The following SLC20A1 variants were observed in gnomAD, a reference collection of about 807,000 sequenced individuals.
SLC20A1 encodes the protein solute carrier family 20 member 1, also known as sodium-dependent phosphate transporter 1.
Under a neutral mutation model 62.7 loss-of-function variants are expected in SLC20A1, and 28 were observed. The observed-to-expected ratio is 0.45, with a 90% CI of 0.33 to 0.61. The LOEUF (loss-of-function observed/expected upper bound fraction) is 0.61. Ranked by LOEUF, SLC20A1 falls within the 20% of genes least tolerant of loss-of-function variation. The pLI, the probability that SLC20A1 is intolerant of heterozygous loss-of-function variation, is 0.02. For missense variants in SLC20A1, 673 were observed against 838.6 expected (o/e 0.80, Z 2.44); for synonymous variants, 305 against 302.9 (o/e 1.01, Z -0.07).
rs1686788632 is a variant in SLC20A1 at position 112,662,845 on chromosome 2, TG to T, written c.1879-17del. On this transcript the variant is annotated intron_variant, in intron 10 of 10. Transcript: ENST00000272542. ...CTGGCACTTCAATAACCTGTTTCCT[TG>T]GTCTGCTTCTCTTCTAGGTGGGCTC... 7 of 1,611,678 alleles carry T rather than the reference TG, an allele frequency of 4.3e-6. No individual in the cohort carries two copies. The highest frequency in any genetic ancestry group is 1.7e-4 in the Middle Eastern group (1 of 5,916).
At position 112,647,744 on chromosome 2, in the gene SLC20A1, C is replaced by T. The variant is rs777720165; in HGVS notation, c.561+6C>T. 3 of 1,607,192 alleles carry T rather than the reference C, an allele frequency of 1.9e-6. No homozygotes were observed. In the Admixed American group the frequency reaches 5.0e-5, roughly 27 times the overall value. On this transcript the variant is annotated splice_donor_region_variant and intron_variant, in intron 4 of 10. Coordinates refer to ENST00000272542, the MANE Select transcript of SLC20A1 (RefSeq NM_005415.5). ...GTGCATTCATCCTCCATAAGGTAAC[C>T]TTTCTCCCCCGTATGAAGACCTTTC...
At position 112,646,085 on chromosome 2, in the gene SLC20A1, T is replaced by C. The variant is rs11123144; in HGVS notation, c.-311T>C. ...CGTGTGCCCGTGGCTCCAGCCGCTG[T>C]CGCCTCGATCTCCTCGTCTCCCGCT... On this transcript the variant is annotated 5_prime_UTR_variant, in exon 1 of 11. Coordinates refer to ENST00000272542, the MANE Select transcript of SLC20A1 (RefSeq NM_005415.5). 120,377 of 152,460 alleles carry C rather than the reference T, an allele frequency of 0.79. 48,342 individuals carry two copies. Among genetic ancestry groups the C allele is most frequent in the East Asian group, 1 (5,143 of 5,154 alleles). 9.4% of individuals were successfully genotyped at this position (152,460 alleles called of 1,614,324 possible). A position where few individuals can be genotyped will look rare whatever the true frequency, so the allele number is the denominator to read the frequency against.
intron 6 of SLC20A1, chr2:112,658,330 T>C (rs549295553): frequency 6.5e-6 from 1 of 153,058 alleles, no homozygotes; most frequent in East Asian, 1.9e-4. Context: ...GAAATTAAAG[T>C]TGTCGTCTTT....
At chr2:112,654,907 A>AAAG (rs1348417320) in intron 5 of SLC20A1, among the ~76,000 whole-genome samples, 4 of 151,092 alleles carry the variant, frequency 2.6e-5, no homozygotes, top group African/African-American at 9.7e-5. Context: ...AAAAAAAAAA[A>AAAG]AAAAAGTTCA....
rs199811695 is a variant in SLC20A1 at position 112,652,797 on chromosome 2, G to A, written c.657G>A (p.Pro219=). The A allele has an allele frequency of 3.2e-5, 52 of 1,613,226 alleles. No homozygotes were observed. The East Asian group carries it at 9.4e-4, about 29-fold the overall frequency. The change falls in exon 5 of 11, where the codon CCG becomes CCA. Residue 219 remains proline, a splice_region_variant and synonymous_variant. Transcript: ENST00000272542. ...NLFSIMYTGA[P]LLGFDKLPLW... is the part of the protein sequence containing the mutation. ...TTTCCATCATGTATACTGGAGCACC[G>A]TGTAAGTACCTATCAAAATATTTAA...
intron 5 of SLC20A1, among the ~76,000 whole-genome samples, chr2:112,655,331 C>G (rs1387884813): frequency 6.6e-6 from 1 of 151,880 alleles, no homozygotes; most frequent in East Asian, 1.9e-4. Flanking sequence ...TTTATAAGTA[C>G]AAACAGTCCC....
intron 4 of SLC20A1, 103 bp downstream of exon 4, chr2:112,647,841 C>T: frequency 1.1e-6 from 1 of 918,894 alleles, no homozygotes; most frequent in South Asian, 1.4e-5. Context: ...GGTATGCGGC[C>T]TTGGAAAATT....
chr2:112,659,911 A>G, intron 8 of SLC20A1, 149 bp downstream of exon 8: 1 of 647,264 alleles, frequency 1.5e-6, no homozygotes, highest in Non-Finnish European at 2.6e-6. Context: ...TATTGACATA[A>G]TAAGACAGTA....
Position 112,659,367 on chromosome 2 carries a change from G to A in SLC20A1, c.1212G>A (p.Met404Ile). 1.2e-6 allele frequency: 2 copies of A among 1,614,170 alleles called. No homozygotes were observed. The highest frequency in any genetic ancestry group is 1.7e-6 in the Non-Finnish European group (2 of 1,180,044). The change falls in exon 8 of 11, where the codon ATG (methionine) becomes ATA (isoleucine). Residue 404 changes from methionine (M) to isoleucine (I), a missense_variant. Physicochemically the swap from Met to Ile is conservative, Grantham distance 10. Coordinates refer to ENST00000272542, the MANE Select transcript of SLC20A1 (RefSeq NM_005415.5). ...KLHLAKVGDC[M>I]GDSGDKPLRR... Reference sequence around the variant, plus strand: ...ATCTTGCCAAGGTGGGAGATTGCATGGGAGACTCCGGTGACAAACCCTTAA... The same window carrying A: ...ATCTTGCCAAGGTGGGAGATTGCATAGGAGACTCCGGTGACAAACCCTTAA...
chr2:112,659,488 A>G lies in SLC20A1; in HGVS notation c.1333A>G (p.Met445Val). Reference sequence around the variant, plus strand: ...AGAAGGTGAACAGAAGGGCGAAGAAATGGAGAAGCTGACATGGCCTAATGC... The same window carrying G: ...AGAAGGTGAACAGAAGGGCGAAGAAGTGGAGAAGCTGACATGGCCTAATGC... Reference protein sequence around the residue: ...AKEGEQKGEEMEKLTWPNADS... With the variant: ...AKEGEQKGEEVEKLTWPNADS... The change falls in exon 8 of 11, where the codon ATG becomes GTG. Residue 445 changes from methionine to valine, a missense_variant. By Grantham distance (21) the Met-to-Val change is conservative. Coordinates refer to ENST00000272542, the MANE Select transcript of SLC20A1 (RefSeq NM_005415.5). 2 of 1,614,244 alleles carry G rather than the reference A, an allele frequency of 1.2e-6. No individual in the cohort carries two copies. Among genetic ancestry groups the G allele is most frequent in the Non-Finnish European group, 1.7e-6 (2 of 1,180,034 alleles).
chr2:112,651,620 A>G (rs368972079), intron 4 of SLC20A1, among the ~76,000 whole-genome samples: 13 of 152,066 alleles, frequency 8.5e-5, no homozygotes, highest in African/African-American at 3.1e-4. Flanking sequence ...ATTACCCAGG[A>G]TGGTCTCGAT....
Position 112,659,697 on chromosome 2 carries a change from C to G in SLC20A1, c.1542C>G (p.Leu514=). ...YDQDKPEVSL[L]FQFLQILTAC... is the part of the protein sequence containing the mutation. ...AGGATAAGCCTGAAGTCTCTCTCCT[C>G]TTCCAGTTCCTGCAGATCCTTACAG... is the stretch of plus-strand genomic sequence containing the variant. Residue 514 remains leucine (L), a synonymous_variant, in exon 8 of 11, where the codon CTC becomes CTG. Transcript: ENST00000272542. The G allele has an allele frequency of 6.2e-7, 1 of 1,614,244 alleles. No individual in the cohort carries two copies. The highest frequency in any genetic ancestry group is 1.1e-5 in the South Asian group (1 of 91,088).
chr2:112,662,215 A>G (rs977638407), intron 10 of SLC20A1, among the ~76,000 whole-genome samples: 9 of 152,172 alleles, frequency 5.9e-5, no homozygotes, highest in South Asian at 2.1e-4. Flanking sequence ...TCTCCAGACA[A>G]TTGTTTATTA....
chr2:112,659,580 C>T lies in SLC20A1; in HGVS notation c.1425C>T (p.His475=), dbSNP rs1303403404. 1.2e-6 allele frequency: 2 copies of T among 1,614,222 alleles called. No individual in the cohort carries two copies. Among genetic ancestry groups the T allele is most frequent in the Admixed American group, 3.3e-5 (2 of 60,026 alleles). The change falls in exon 8 of 11, where the codon CAC becomes CAT. Residue 475 remains histidine (H), a synonymous_variant. Transcript: ENST00000272542. ...TSYCNAVSDL[H]SASEIDMSVK... ...ACTGCAATGCTGTGTCTGACCTTCA[C>T]TCAGCATCTGAGATAGACATGAGTG... is the stretch of plus-strand genomic sequence containing the variant.
intron 5 of SLC20A1, chr2:112,656,908 G>C (rs1686604686): frequency 1.7e-6 from 1 of 589,548 alleles, no homozygotes; most frequent in Admixed American, 2.8e-5. Context: ...GTTCAAGTGG[G>C]CTAGGCTGGT....
rs1007608343 is a variant in SLC20A1, at chr2:112,645,972, C to T, written c.-424C>T. The T allele has an allele frequency of 2.0e-5, 3 of 152,192 alleles. No homozygotes were observed. Among genetic ancestry groups the T allele is most frequent in the East Asian group, 1.9e-4 (1 of 5,164 alleles). The allele number at this position is 152,192 out of a possible 1,614,324, so 9.4% of individuals were successfully genotyped here. A position where few individuals can be genotyped will look rare whatever the true frequency, so the allele number is the denominator to read the frequency against. ...GGCTGCCGGCGCTCTCTGCGTGGTT[C>T]TTCTTCTCGGCCGCTGAAACCCCCG... is the stretch of plus-strand genomic sequence containing the variant. On this transcript the variant is annotated 5_prime_UTR_variant, in exon 1 of 11. Transcript: ENST00000272542.
rs1686492467 is a variant in SLC20A1, at chr2:112,653,379, A to T, written c.658+581A>T. ...TTGATGACTTTCATGTTTGGGACTA[A>T]GGCAAGGCATGGATTAAATTATGGC... On this transcript the variant is annotated intron_variant, in intron 5 of 10. Coordinates refer to ENST00000272542, the MANE Select transcript of SLC20A1 (RefSeq NM_005415.5). 1.8e-5 allele frequency: 3 copies of T among 168,060 alleles called. No homozygotes were observed. The South Asian group carries it at 4.5e-4, about 25-fold the overall frequency. 10.4% of individuals were successfully genotyped at this position (168,060 alleles called of 1,614,324 possible). A position where few individuals can be genotyped will look rare whatever the true frequency, so the allele number is the denominator to read the frequency against.
intron 4 of SLC20A1, 48 bp from the exon 5 acceptor site, chr2:112,652,654 G>A (rs2104644294): frequency 6.8e-7 from 1 of 1,463,866 alleles, no homozygotes; most frequent in African/African-American, 1.4e-5. Context: ...GTGGAAATGG[G>A]TTAACCTTTA....
Position 112,659,777 on chromosome 2 carries a change from A to G in SLC20A1, c.1607+15A>G, listed in dbSNP as rs758706692. ...AATGACGTAAGGTCAGTTGACATTG[A>G]TCTTAGTGTTGCTAACCCTATTTTT... On this transcript the variant is annotated intron_variant, in intron 8 of 10. Coordinates refer to ENST00000272542, the MANE Select transcript of SLC20A1 (RefSeq NM_005415.5). 4.8e-5 allele frequency: 77 copies of G among 1,597,998 alleles called. No individual in the cohort carries two copies. The highest frequency in any genetic ancestry group is 6.2e-5 in the Non-Finnish European group (72 of 1,169,902).
Sources: gnomAD v4.1 joint callset for allele counts (sites outside exome capture counted in the v4.1 genomes callset) on GRCh38, gnomAD v4.1.1 for gene constraint, MANE v1.5 for transcripts, NCBI Gene and HGNC (gene_info 2026-07-23, HGNC 2026-07-21) for gene names.